CTNNA2: variants seen among roughly 807,000 people sequenced by gnomAD.
CTNNA2 encodes the protein catenin alpha-2.
In CTNNA2, 42 loss-of-function variants were observed where a neutral mutation model predicts 101.0. The ratio of observed to expected loss-of-function variants is 0.42; its 90% CI spans 0.32 to 0.54. CTNNA2 has a LOEUF of 0.54. CTNNA2 is among the 20% of genes least tolerant of loss of function. The pLI is 0.14. For synonymous variants in CTNNA2, 450 were observed against 456.4 expected, an observed-to-expected ratio of 0.99 and a Z score of 0.18; for missense variants, 871 against 1,223.1, an observed-to-expected ratio of 0.71 and a Z score of 4.29.
intron 4 of CTNNA2, among the ~76,000 whole-genome samples, chr2:79,415,296 C>A (rs1329125728): frequency 6.6e-6 from 1 of 152,182 alleles, no homozygotes; most frequent in African/African-American, 2.4e-5. Context: ...TCCCCTTTGG[C>A]CTTCTGCCAT....
chr2:79,519,405 A>T (rs1334759342), intron 1 of CTNNA2, among the ~76,000 whole-genome samples: 1 of 152,024 alleles, frequency 6.6e-6, no homozygotes, highest in Non-Finnish European at 1.5e-5. Context: ...TGAGCTAGAG[A>T]TTATAATTTT....
rs371545017 is a variant in CTNNA2 at position 80,319,307 on chromosome 2, GT to G, written c.1057-73895del. Among the ~76,000 whole-genome samples, 394 of 151,718 alleles carry G rather than the reference GT, an allele frequency of 2.6e-3. 2 individuals are homozygous for G. Among genetic ancestry groups the G allele is most frequent in the African/African-American group, 9.0e-3 (371 of 41,366 alleles). ...AGCAAGGGCTGATGGATACCAACCA[GT>G]TTTTTTTTGTTGTTGTTGTTTTTAT... On this transcript the variant is annotated intron_variant, in intron 7 of 18. Transcript: ENST00000402739.
intron 7 of CTNNA2, among the ~76,000 whole-genome samples, chr2:80,021,583 A>G (rs1358878817): frequency 1.3e-5 from 2 of 152,190 alleles, no homozygotes; most frequent in Non-Finnish European, 2.9e-5. Flanking sequence ...ACATGGCCTA[A>G]TAGTATTATT....
intron 1 of CTNNA2, among the ~76,000 whole-genome samples, chr2:79,519,481 A>T (rs1399069295): frequency 1.3e-5 from 2 of 152,112 alleles, no homozygotes; most frequent in African/African-American, 4.8e-5. Context: ...TTAATTTGTT[A>T]TGTGATTAAA....
chr2:80,202,429 T>G (rs992465375), intron 7 of CTNNA2, among the ~76,000 whole-genome samples: 1 of 152,174 alleles, frequency 6.6e-6, no homozygotes, highest in African/African-American at 2.4e-5. Flanking sequence ...CACTCCAGCC[T>G]TGGTAGCAGG....
chr2:79,707,903 A>G (rs940587560), intron 2 of CTNNA2, among the ~76,000 whole-genome samples: 1 of 152,172 alleles, frequency 6.6e-6, no homozygotes, highest in Admixed American at 6.5e-5. Context: ...AGATACCCTG[A>G]TCCTGTGTAT....
At chr2:79,430,564 TGTTATA>T (rs1348143363) in intron 4 of CTNNA2, among the ~76,000 whole-genome samples, 2 of 152,216 alleles carry the variant, frequency 1.3e-5, no homozygotes, top group African/African-American at 4.8e-5. Flanking sequence ...CATGTGTTTG[TGTTATA>T]CTGAGTGCCA....
chr2:79,239,221 G>C (rs1341824524), intron 2 of CTNNA2, among the ~76,000 whole-genome samples: 1 of 152,088 alleles, frequency 6.6e-6, no homozygotes, highest in Non-Finnish European at 1.5e-5. Flanking sequence ...ACTCTACTAT[G>C]AGGCTAAAAT....
At chr2:79,762,870 C>T (rs893371016) in intron 3 of CTNNA2, among the ~76,000 whole-genome samples, 6 of 152,254 alleles carry the variant, frequency 3.9e-5, no homozygotes, top group African/African-American at 1.4e-4. Flanking sequence ...TGCATTTACA[C>T]AATTTTATGG....
chr2:80,013,624 A>C (rs1457044244), intron 7 of CTNNA2, among the ~76,000 whole-genome samples: 2 of 152,132 alleles, frequency 1.3e-5, no homozygotes, highest in African/African-American at 4.8e-5. Flanking sequence ...TAGCACATCC[A>C]TCTAACCCTG....
In CTNNA2 at chr2:80,456,725, A is replaced by C. The variant is rs140251599; in HGVS notation, c.1290+37124A>C. ...ACTTCGAGTTTCAGTTTCCTTAGCT[A>C]TAAAATGGGAAGCATAATAGATACC... On this transcript the variant is annotated intron_variant, in intron 9 of 18. Coordinates refer to ENST00000402739, the MANE Select transcript of CTNNA2 (RefSeq NM_001282597.3). Among the ~76,000 whole-genome samples, 431 of 152,274 alleles carry C rather than the reference A, an allele frequency of 2.8e-3. 2 individuals carry two copies. Among genetic ancestry groups the C allele is most frequent in the African/African-American group, 0.01 (419 of 41,544 alleles).
intron 1 of CTNNA2, chr2:79,573,669 C>T (rs1254504120): frequency 1.3e-5 from 2 of 152,116 alleles, no homozygotes; most frequent in Non-Finnish European, 2.9e-5. Flanking sequence ...AACAGAAAAC[C>T]TTTAACAACA....
intron 7 of CTNNA2, among the ~76,000 whole-genome samples, chr2:80,292,609 CAAG>C (rs1675364174): frequency 6.6e-6 from 1 of 152,136 alleles, no homozygotes; most frequent in African/African-American, 2.4e-5. Flanking sequence ...ATAAATGGAT[CAAG>C]AAGAAGTGGA....
At position 79,923,379 on chromosome 2, in the gene CTNNA2, T is replaced by A. The variant is rs372641672; in HGVS notation, c.1056+13582T>A. ...CAGAGATCTGACTTTTGTTTTTTTCTGAAAATAAACACCTAGTTGCTTGCA... is the reference window on the plus strand; with the variant it reads ...CAGAGATCTGACTTTTGTTTTTTTCAGAAAATAAACACCTAGTTGCTTGCA... On this transcript the variant is annotated intron_variant, in intron 7 of 18. Transcript: ENST00000402739. Among the ~76,000 whole-genome samples, 3 of 152,130 alleles carry A rather than the reference T, an allele frequency of 2.0e-5. No homozygotes were observed. The South Asian group carries it at 6.2e-4, about 31-fold the overall frequency.
chr2:80,458,037 G>A (rs1423775818), intron 9 of CTNNA2, among the ~76,000 whole-genome samples: 1 of 152,164 alleles, frequency 6.6e-6, no homozygotes, highest in Non-Finnish European at 1.5e-5. Flanking sequence ...CAGATGAGGA[G>A]GGCAAGAAGG....
chr2:80,470,156 A>G (rs1229458988), intron 9 of CTNNA2, among the ~76,000 whole-genome samples: 2 of 152,120 alleles, frequency 1.3e-5, no homozygotes, highest in Non-Finnish European at 2.9e-5. Flanking sequence ...ATCCCTGACA[A>G]ATAGTCTAGA....
chr2:79,832,112 A>G (rs1195361704), intron 3 of CTNNA2, among the ~76,000 whole-genome samples: 1 of 152,084 alleles, frequency 6.6e-6, no homozygotes, highest in Non-Finnish European at 1.5e-5. Context: ...TGTGTGAGAT[A>G]CCCCCAACTT....
At chr2:80,145,896 C>T (rs555800948) in intron 7 of CTNNA2, among the ~76,000 whole-genome samples, 2 of 152,188 alleles carry the variant, frequency 1.3e-5, no homozygotes, top group Admixed American at 6.5e-5. Context: ...AAAGATGTCT[C>T]GTGTAATATT....
intron 7 of CTNNA2, among the ~76,000 whole-genome samples, chr2:79,923,233 G>A (rs552722558): frequency 3.3e-5 from 5 of 152,134 alleles, no homozygotes; most frequent in South Asian, 4.2e-4. Flanking sequence ...GGAGACTGTC[G>A]ATCATGTAAG....
Sources: allele counts gnomAD v4.1 joint callset (sites outside exome capture counted in the v4.1 genomes callset), GRCh38; gene constraint gnomAD v4.1.1; transcripts MANE v1.5; gene names NCBI Gene and HGNC (gene_info 2026-07-23, HGNC 2026-07-21).